Variants in TAF4 observed in about 807,000 individuals in gnomAD.
TAF4 encodes the protein transcription initiation factor TFIID subunit 4.
In TAF4, 9 loss-of-function variants were observed where a neutral mutation model predicts 90.3. That is an observed-to-expected ratio of 0.10 (90% CI 0.06 to 0.17). The LOEUF (loss-of-function observed/expected upper bound fraction) is 0.17, where lower values mean the gene tolerates loss of function less well. Ranked by LOEUF, TAF4 falls within the 10% of genes least tolerant of loss-of-function variation. TAF4 has a pLI of 1.00. For synonymous variants in TAF4, 818 were observed against 638.9 expected (o/e 1.28, Z -4.23); for missense variants, 1,351 against 1,370.7 (o/e 0.99, Z 0.23).
intron 14 of TAF4, among the ~76,000 whole-genome samples, chr20:61,979,565 G>A (rs181524750): frequency 1.2e-4 from 17 of 145,448 alleles, no homozygotes; most frequent in Middle Eastern, 3.9e-3. Context: ...GAGGGACTGC[G>A]GCCCATGCAG....
chr20:62,000,432 T>A, intron 10 of TAF4, 120 bp downstream of exon 10: 4 of 1,414,414 alleles, frequency 2.8e-6, no homozygotes, highest in Non-Finnish European at 3.8e-6. Flanking sequence ...CCAGCAACCA[T>A]GTGGAAATCA....
intron 14 of TAF4, among the ~76,000 whole-genome samples, chr20:61,992,054 TGG>T (rs1319227333): frequency 5.9e-5 from 9 of 152,276 alleles, no homozygotes; most frequent in African/African-American, 1.9e-4. Flanking sequence ...CATCAGCAGG[TGG>T]GAACTTGGGA....
intron 9 of TAF4, 66 bp downstream of exon 9, chr20:62,003,094 G>T: frequency 7.1e-7 from 1 of 1,409,418 alleles, no homozygotes; most frequent in Non-Finnish European, 1.0e-6. Context: ...GAATGGAGCA[G>T]CACGGACTCT....
intron 1 of TAF4, among the ~76,000 whole-genome samples, chr20:62,046,429 T>C (rs2055993665): frequency 6.6e-6 from 1 of 152,220 alleles, no homozygotes; most frequent in South Asian, 2.1e-4. Flanking sequence ...TTCTAGAATT[T>C]CATACAAATG....
chr20:62,005,495 C>G (rs1040296854), intron 7 of TAF4: 4 of 152,280 alleles, frequency 2.6e-5, no homozygotes, highest in African/African-American at 9.6e-5. Context: ...TAAACAGAAC[C>G]CACCTTTTTG....
intron 1 of TAF4, among the ~76,000 whole-genome samples, chr20:62,025,565 C>T (rs1400853304): frequency 4.6e-5 from 7 of 152,326 alleles, no homozygotes; most frequent in East Asian, 1.9e-4. Flanking sequence ...GTTCTCACGA[C>T]ATCTGGTGGC....
intron 14 of TAF4, 87 bp from the exon 15 acceptor site, chr20:61,976,422 G>T: frequency 6.7e-7 from 1 of 1,494,290 alleles, no homozygotes. Context: ...CAAGTACCCC[G>T]ATTCCAGAGG....
chr20:62,025,083 C>T (rs760569643), intron 1 of TAF4, among the ~76,000 whole-genome samples: 3 of 152,196 alleles, frequency 2.0e-5, no homozygotes, highest in Non-Finnish European at 4.4e-5. Flanking sequence ...CTCCTGGGCA[C>T]CACTGGTGGG....
At chr20:62,029,962 C>T (rs1568936853) in intron 1 of TAF4, among the ~76,000 whole-genome samples, 2 of 152,136 alleles carry the variant, frequency 1.3e-5, no homozygotes, top group Non-Finnish European at 2.9e-5. Flanking sequence ...CAGGGGAAGC[C>T]TCAGGGCTGG....
chr20:62,063,315 G>C (rs1568946128), intron 1 of TAF4, among the ~76,000 whole-genome samples: 1 of 152,222 alleles, frequency 6.6e-6, no homozygotes, highest in Non-Finnish European at 1.5e-5. Flanking sequence ...TCCATTCAGA[G>C]AGGGGACGCA....
intron 1 of TAF4, among the ~76,000 whole-genome samples, chr20:62,059,985 C>A (rs905496085): frequency 6.6e-6 from 1 of 152,272 alleles, no homozygotes; most frequent in African/African-American, 2.4e-5. Context: ...GGAGGTAGAA[C>A]AGGAACTGTC....
At chr20:62,035,385 C>T (rs1031656786) in intron 1 of TAF4, among the ~76,000 whole-genome samples, 12 of 152,082 alleles carry the variant, frequency 7.9e-5, no homozygotes, top group African/African-American at 2.7e-4. Flanking sequence ...AGAAAACAAC[C>T]GACAGGCTAG....
chr20:62,028,979 G>A (rs564845115), intron 1 of TAF4, among the ~76,000 whole-genome samples: 6 of 152,192 alleles, frequency 3.9e-5, no homozygotes, highest in South Asian at 2.1e-4. Flanking sequence ...GGCGGATCAC[G>A]AGGTCAGGAG....
At position 62,065,410 on chromosome 20, in the gene TAF4, G is replaced by A. The variant is rs1396542335; in HGVS notation, c.401C>T (p.Ala134Val). ...AKLRPPPEGS[A>V]GSCAPVPAAA... ...GGCGGGCACCGGGGCGCAGGACCCC[G>A]CGCTGCCCTCGGGCGGCGGCCTCAG... The change falls in exon 1 of 15, where the codon GCG becomes GTG. Residue 134 changes from alanine to valine, a missense_variant. By Grantham distance (64) the Ala-to-Val change is moderately conservative. Coordinates refer to ENST00000252996, the MANE Select transcript of TAF4 (RefSeq NM_003185.4). 3.1e-3 allele frequency: 3,014 copies of A among 974,134 alleles called. 65 individuals are homozygous for A. The Admixed American group carries it at 0.066, about 21-fold the overall frequency. 60.3% of individuals were successfully genotyped at this position (974,134 alleles called of 1,614,324 possible). A position where few individuals can be genotyped will look rare whatever the true frequency, so the allele number is the denominator to read the frequency against.
rs763591438 is a variant in TAF4 at position 61,999,019 on chromosome 20, A to G, written c.2877T>C (p.Asp959=). Residue 959 remains aspartate, a synonymous_variant, in exon 12 of 15, where the codon GAT becomes GAC. Coordinates refer to ENST00000252996, the MANE Select transcript of TAF4 (RefSeq NM_003185.4). ...TCATCAGGATCTCCCGCTCCTGCTC[A>G]TCCTTCCTCTGCTTTTCGATTTGAT... ...QLDQIEKQRK[D]EQEREILMRA... The G allele has an allele frequency of 1.2e-6, 2 of 1,613,988 alleles. No homozygotes were observed. The highest frequency in any genetic ancestry group is 8.5e-7 in the Non-Finnish European group (1 of 1,180,022).
At chr20:62,015,883 T>C (rs1427006899) in intron 1 of TAF4, among the ~76,000 whole-genome samples, 1 of 152,094 alleles carries the variant, frequency 6.6e-6, no homozygotes, top group Non-Finnish European at 1.5e-5. Context: ...TGGGCTAACA[T>C]CTAAAATTCT....
chr20:61,998,361 A>G (rs6089596), intron 12 of TAF4, among the ~76,000 whole-genome samples, 169 bp from the exon 13 acceptor site: 13,094 of 152,324 alleles, frequency 0.086, 810 homozygotes, highest in Non-Finnish European at 0.13. Context: ...ATCACACACC[A>G]TGAAAAAAGC....
chr20:62,025,747 T>C (rs866363486), intron 1 of TAF4, among the ~76,000 whole-genome samples: 1 of 152,186 alleles, frequency 6.6e-6, no homozygotes, highest in Non-Finnish European at 1.5e-5. Flanking sequence ...TTTATAGCAA[T>C]GTAAGAACAG....
chr20:62,061,906 C>T lies in TAF4; in HGVS notation c.1360+2545G>A, dbSNP rs141129887. Among the ~76,000 whole-genome samples the T allele has an allele frequency of 2.3e-4, 35 of 152,354 alleles. 1 individual carries two copies. The highest frequency in any genetic ancestry group is 8.4e-4 in the African/African-American group (35 of 41,578). On this transcript the variant is annotated intron_variant, in intron 1 of 14. Coordinates refer to ENST00000252996, the MANE Select transcript of TAF4 (RefSeq NM_003185.4). Reference sequence around the variant, plus strand: ...CTACCTAAACCAAATTCAACATACCCGGTGTGCACTATGGGGCTGAAACAC... The same window carrying T: ...CTACCTAAACCAAATTCAACATACCTGGTGTGCACTATGGGGCTGAAACAC...
Sources: gnomAD v4.1 joint callset for allele counts (sites outside exome capture counted in the v4.1 genomes callset) on GRCh38, gnomAD v4.1.1 for gene constraint, MANE v1.5 for transcripts, NCBI Gene and HGNC (gene_info 2026-07-23, HGNC 2026-07-21) for gene names.